Variants in PARD3B observed in about 807,000 individuals in gnomAD.
The protein encoded by PARD3B is partitioning defective 3 homolog B.
A neutral mutation model predicts 130.2 loss-of-function variants in PARD3B; 103 were observed. The ratio of observed to expected loss-of-function variants is 0.79; its 90% confidence interval spans 0.67 to 0.93. PARD3B has a LOEUF of 0.93. PARD3B is among the 40% of genes least tolerant of loss of function. The pLI is 0.00. For synonymous variants in PARD3B, 583 were observed against 553.2 expected (o/e 1.05, Z -0.76); for missense variants, 1,609 against 1,499.2 (o/e 1.07, Z -1.21).
intron 10 of PARD3B, among the ~76,000 whole-genome samples, chr2:205,148,128 T>C (rs1486698764): frequency 1.3e-5 from 2 of 152,154 alleles, no homozygotes; most frequent in African/African-American, 2.4e-5. Flanking sequence ...TATCTATCTA[T>C]ATATTCTATT....
At chr2:205,410,274 G>A (rs1267993568) in intron 19 of PARD3B, among the ~76,000 whole-genome samples, 1 of 152,248 alleles carries the variant, frequency 6.6e-6, no homozygotes, top group East Asian at 1.9e-4. Context: ...AACCTATACA[G>A]ATAAATTTAC....
Position 205,197,696 on chromosome 2 carries a change from G to A in PARD3B, c.2140+4376G>A, listed in dbSNP as rs189444002. On this transcript the variant is annotated intron_variant, in intron 15 of 22. Coordinates refer to ENST00000406610, the MANE Select transcript of PARD3B (RefSeq NM_001302769.2). ...CATGTAGTCATGCTAATTCAAAGGG[G>A]TTAGGGTGTCACTTAAGAGACTGGA... Among the ~76,000 whole-genome samples, 526 of 152,268 alleles carry A rather than the reference G, an allele frequency of 3.5e-3. 1 individual carries two copies. Among genetic ancestry groups the A allele is most frequent in the Non-Finnish European group, 5.1e-3 (346 of 68,012 alleles).
intron 18 of PARD3B, among the ~76,000 whole-genome samples, chr2:205,371,377 T>C (rs568530247): frequency 6.6e-6 from 1 of 152,292 alleles, no homozygotes; most frequent in Admixed American, 6.5e-5. Flanking sequence ...GGTGGAATTA[T>C]TAAATGTGGC....
chr2:205,078,712 G>A lies in PARD3B; in HGVS notation c.505-25714G>A, dbSNP rs959200150. 3.9e-5 allele frequency among the ~76,000 whole-genome samples: 6 copies of A among 152,110 alleles called. No homozygotes were observed. Among genetic ancestry groups the A allele is most frequent in the Admixed American group, 1.3e-4 (2 of 15,270 alleles). ...CAGTGACTTAATTGAAAATCATAGC[G>A]TGCAGCAGACATTGTGTGACTTCTG... is the stretch of plus-strand genomic sequence containing the variant. On this transcript the variant is annotated intron_variant, in intron 4 of 22. Transcript: ENST00000406610. This position sits in a 1 kb window ranked among gnomAD's most constrained non-coding sequence, Gnocchi z 4.0.
chr2:204,650,533 G>A (rs147465580), intron 1 of PARD3B, among the ~76,000 whole-genome samples: 173 of 152,270 alleles, frequency 1.1e-3, no homozygotes, highest in African/African-American at 4.0e-3. Flanking sequence ...TAAAGAAAAT[G>A]TGGTACATAT....
At chr2:204,834,077 A>C (rs2043937335) in intron 2 of PARD3B, among the ~76,000 whole-genome samples, 1 of 151,810 alleles carries the variant, frequency 6.6e-6, no homozygotes, top group Non-Finnish European at 1.5e-5. Context: ...TCTCATATGC[A>C]ATATTTTTTT....
intron 20 of PARD3B, among the ~76,000 whole-genome samples, chr2:205,489,500 T>TATATATACGTACATATACAC (rs1559141226): frequency 1.4e-5 from 2 of 139,404 alleles, no homozygotes; most frequent in Admixed American, 7.4e-5. Context: ...TATGTGTGTA[T>TATATATACGTACATATACAC]ATATATATAC....
At chr2:205,199,453 CT>C (rs879384156) in intron 15 of PARD3B, among the ~76,000 whole-genome samples, 32 of 152,002 alleles carry the variant, frequency 2.1e-4, no homozygotes, top group Admixed American at 9.2e-4. Flanking sequence ...TACATTTTTA[CT>C]GTGTGTGTAT....
intron 16 of PARD3B, among the ~76,000 whole-genome samples, chr2:205,248,220 G>C (rs2039653410): frequency 6.6e-6 from 1 of 152,034 alleles, no homozygotes; most frequent in African/African-American, 2.4e-5. Flanking sequence ...TGGGATTACA[G>C]GTATGAACCA....
At chr2:204,998,400 A>AAAGAATTAGAGAAGAAATGAAAAAC (rs1187589988) in intron 3 of PARD3B, among the ~76,000 whole-genome samples, 2 of 70,298 alleles carry the variant, frequency 2.8e-5, no homozygotes, top group Admixed American at 2.0e-4. Context: ...ATATATGTAT[A>AAAGAATTAGAGAAGAAATGAAAAAC]TATGTGTATA....
At chr2:205,294,951 A>G (rs898985517) in intron 16 of PARD3B, among the ~76,000 whole-genome samples, 2 of 152,240 alleles carry the variant, frequency 1.3e-5, no homozygotes, top group East Asian at 1.9e-4. Context: ...CATTATGAAC[A>G]CAGTGAACAC....
chr2:204,844,947 C>A (rs900129528), intron 2 of PARD3B, among the ~76,000 whole-genome samples: 2 of 152,012 alleles, frequency 1.3e-5, no homozygotes, highest in Non-Finnish European at 2.9e-5. Flanking sequence ...ACTCTCCTCC[C>A]CCACTGGGCC....
At chr2:205,180,806 A>T (rs889533364) in intron 13 of PARD3B, among the ~76,000 whole-genome samples, 2 of 152,270 alleles carry the variant, frequency 1.3e-5, no homozygotes, top group Admixed American at 6.5e-5. Context: ...GTACTGAAGA[A>T]TTGCTAGCAA....
intron 18 of PARD3B, among the ~76,000 whole-genome samples, chr2:205,381,130 TA>T (rs981734301): frequency 1.3e-5 from 1 of 78,568 alleles, no homozygotes; most frequent in African/African-American, 3.6e-5. Context: ...ATATATTATA[TA>T]TAAAGAATAT....
chr2:204,552,713 A>C (rs1458275310), intron 1 of PARD3B, among the ~76,000 whole-genome samples: 1 of 152,190 alleles, frequency 6.6e-6, no homozygotes, highest in African/African-American at 2.4e-5. Context: ...ATTCTCCTAC[A>C]TGTGGCTTGC....
intron 2 of PARD3B, among the ~76,000 whole-genome samples, chr2:204,744,720 G>T (rs2040144693): frequency 6.6e-6 from 1 of 152,122 alleles, no homozygotes; most frequent in African/African-American, 2.4e-5. Flanking sequence ...CTGAGTGGGA[G>T]TCAAGGCTGT....
At chr2:205,205,455 T>A (rs1471421645) in intron 15 of PARD3B, among the ~76,000 whole-genome samples, 2 of 152,210 alleles carry the variant, frequency 1.3e-5, no homozygotes, top group Non-Finnish European at 2.9e-5. Flanking sequence ...CTTGCCTGAT[T>A]GCCCTGGCCA....
chr2:204,778,035 C>T (rs1010768894), intron 2 of PARD3B, among the ~76,000 whole-genome samples: 7 of 151,936 alleles, frequency 4.6e-5, no homozygotes, highest in Non-Finnish European at 8.8e-5. Context: ...TTCCTGAGGC[C>T]TCCCTAGCCA....
intron 1 of PARD3B, among the ~76,000 whole-genome samples, chr2:204,648,197 T>C (rs1015176301): frequency 1.3e-5 from 2 of 151,634 alleles, no homozygotes; most frequent in Non-Finnish European, 3.0e-5. Context: ...ACTTAATACA[T>C]TGGTTTATCA....
Sources: gnomAD v4.1 joint callset for allele counts (sites outside exome capture counted in the v4.1 genomes callset) on GRCh38, gnomAD v4.1.1 for gene constraint, Gnocchi (gnomAD v3.1) non-coding constraint, MANE v1.5 for transcripts, NCBI Gene and HGNC (gene_info 2026-07-23, HGNC 2026-07-21) for gene names.